MPST: variants seen among roughly 807,000 people sequenced by gnomAD.
MPST encodes the protein 3-mercaptopyruvate sulfurtransferase.
In MPST, 27 loss-of-function variants were observed where a neutral mutation model predicts 28.5. The observed-to-expected ratio is 0.95, with a 90% CI of 0.70 to 1.31. The LOEUF is 1.31. MPST is among the 50% of genes most tolerant of loss of function. The pLI is 0.00. For missense variants in MPST, 492 were observed against 471.1 expected (o/e 1.04, Z -0.41); for synonymous variants, 204 against 209.3 (o/e 0.97, Z 0.22).
rs777256173 is a variant in MPST, at chr22:37,024,471, G to T, written c.316G>T (p.Ala106Ser). ...LPGAEHFAEY[A>S]GRLGVGAATH... ...CGGGGCCGAGCATTTCGCGGAGTAC[G>T]CAGGCCGCCTGGGCGTGGGCGCGGC... The change falls in exon 2 of 3, where the codon GCA (alanine) becomes TCA (serine). Residue 106 changes from alanine (A) to serine (S), a missense_variant. Ala to Ser is a moderately conservative substitution (Grantham distance 99). Coordinates refer to ENST00000429360, the MANE Select transcript of MPST (RefSeq NM_021126.8). The T allele has an allele frequency of 6.4e-7, 1 of 1,556,964 alleles. No individual in the cohort carries two copies. Among genetic ancestry groups the T allele is most frequent in the Admixed American group, 1.9e-5 (1 of 53,134 alleles).
chr22:37,019,932 G>T (rs1922933224), intron 1 of MPST, 60 bp downstream of exon 1: 1 of 885,680 alleles, frequency 1.1e-6, no homozygotes, highest in East Asian at 3.3e-5. Flanking sequence ...CTCTTTGGGG[G>T]TGCTCGGCGC....
At position 37,029,204 on chromosome 22, in the gene MPST, C is replaced by G. The variant is rs1485101788; in HGVS notation, c.656-12C>G. ...TTCTATTTGTCCCCTCCTCCCTGCT[C>G]CCCTGCTGTAGGCATTGAACCTGGC... On this transcript the variant is annotated splice_polypyrimidine_tract_variant and intron_variant, in intron 2 of 2. Transcript: ENST00000429360. 3.1e-6 allele frequency: 5 copies of G among 1,610,904 alleles called. No individual in the cohort carries two copies. Among genetic ancestry groups the G allele is most frequent in the Admixed American group, 1.7e-5 (1 of 59,836 alleles).
Position 37,029,286 on chromosome 22 carries a change from G to A in MPST, c.726G>A (p.Leu242=). 3 of 1,614,190 alleles carry A rather than the reference G, an allele frequency of 1.9e-6. No homozygotes were observed. The highest frequency in any genetic ancestry group is 2.5e-6 in the Non-Finnish European group (3 of 1,180,028). Residue 242 remains leucine (L), a synonymous_variant, in exon 3 of 3, where the codon CTG becomes CTA. Coordinates refer to ENST00000429360, the MANE Select transcript of MPST (RefSeq NM_021126.8). ...PFTDFLSQEG[L]EKSPEEIRHL... The stretch of plus-strand genomic sequence containing the variant: ...CAGACTTCCTGAGCCAGGAGGGGCT[G>A]GAGAAGAGCCCTGAGGAGATCCGCC...
At position 37,024,230 on chromosome 22, in the gene MPST, G is replaced by C. The variant is rs1424750090; in HGVS notation, c.75G>C (p.Gln25His). ...GTGTCGCCGCCATGGCTTCGCCGCA[G>C]CTCTGCCGCGCGCTGGTGTCGGCGC... ...SPSVAAMASP[Q>H]LCRALVSAQW... The change falls in exon 2 of 3, where the codon CAG becomes CAC. Residue 25 changes from glutamine to histidine, a missense_variant. Transcript: ENST00000429360. The C allele has an allele frequency of 7.1e-7, 1 of 1,399,226 alleles. No individual in the cohort carries two copies. The highest frequency in any genetic ancestry group is 3.5e-5 in the Admixed American group (1 of 28,556). The allele number at this position is 1,399,226 out of a possible 1,614,324, so 86.7% of individuals were successfully genotyped here.
At chr22:37,024,074 A>C (rs1601457507) in intron 1 of MPST, 118 bp from the exon 2 acceptor site, 1 of 1,260,634 alleles carries the variant, frequency 7.9e-7, no homozygotes. Context: ...CGTTCCCTGG[A>C]CTCTGCCCTG....
Position 37,029,357 on chromosome 22 carries a change from C to T in MPST, c.797C>T (p.Ala266Val), listed in dbSNP as rs1601464491. Residue 266 changes from alanine (A) to valine (V), a missense_variant, in exon 3 of 3, where the codon GCC (alanine) becomes GTC (valine). Ala to Val is a moderately conservative substitution (Grantham distance 64). Transcript: ENST00000429360. ...GTGGACCTGTCTAAGCCACTGGTGG[C>T]CACGTGTGGCTCTGGCGTCACAGCC... Reference protein sequence around the residue: ...KKVDLSKPLVATCGSGVTACH... With the variant: ...KKVDLSKPLVVTCGSGVTACH... 6.2e-7 allele frequency: 1 copy of T among 1,614,054 alleles called. No individual in the cohort carries two copies. The highest frequency in any genetic ancestry group is 2.2e-5 in the East Asian group (1 of 44,880).
chr22:37,019,872 G>A lies in MPST; in HGVS notation c.36G>A (p.Arg12=), dbSNP rs1400705462. ...CAGGAAGCCGGGAGTCCGAGACCCG[G>A]GTAACTGCCGCGGCGTGGCGGCTTG... The part of the protein sequence containing the change: ...AEPGSRESET[R]ARSPSVAAMA... The change falls in exon 1 of 3, where the codon CGG becomes CGA. Residue 12 remains arginine (R), a splice_region_variant and synonymous_variant. Coordinates refer to ENST00000429360, the MANE Select transcript of MPST (RefSeq NM_021126.8). 3 of 1,219,850 alleles carry A rather than the reference G, an allele frequency of 2.5e-6. No individual in the cohort carries two copies. The highest frequency in any genetic ancestry group is 3.2e-5 in the East Asian group (1 of 31,582). 75.6% of individuals were successfully genotyped at this position (1,219,850 alleles called of 1,614,324 possible).
At chr22:37,020,034 T>C (rs1417213134) in intron 1 of MPST, 162 bp downstream of exon 1, 1 of 295,962 alleles carries the variant, frequency 3.4e-6, no homozygotes, top group African/African-American at 2.3e-5. Context: ...ACTGTCCGCT[T>C]GGGGCGGCCT....
Position 37,029,687 on chromosome 22 carries a change from C to T in MPST, c.*173C>T, listed in dbSNP as rs907780615. ...TTGACTTGTTGGCTGCCAGTAGGGGCGGGAGGAAAGGCGGAGGCGAGCCCT... is the reference window on the plus strand; with the variant it reads ...TTGACTTGTTGGCTGCCAGTAGGGGTGGGAGGAAAGGCGGAGGCGAGCCCT... On this transcript the variant is annotated 3_prime_UTR_variant, in exon 3 of 3. Transcript: ENST00000429360. 5.2e-5 allele frequency: 37 copies of T among 710,958 alleles called. No individual in the cohort carries two copies. The Admixed American group carries it at 6.4e-4, about 12-fold the overall frequency. 44.0% of individuals were successfully genotyped at this position (710,958 alleles called of 1,614,324 possible).
In MPST at chr22:37,024,461, C is replaced by T. The variant is rs908749183; in HGVS notation, c.306C>T (p.Phe102=). The change falls in exon 2 of 3, where the codon TTC becomes TTT. Residue 102 remains phenylalanine (F), a synonymous_variant. Transcript: ENST00000429360. The stretch of plus-strand genomic sequence containing the variant: ...ACATGCTGCCCGGGGCCGAGCATTT[C>T]GCGGAGTACGCAGGCCGCCTGGGCG... ...YDHMLPGAEH[F]AEYAGRLGVG... 2 of 1,551,422 alleles carry T rather than the reference C, an allele frequency of 1.3e-6. No individual in the cohort carries two copies. Among genetic ancestry groups the T allele is most frequent in the Non-Finnish European group, 1.7e-6 (2 of 1,148,554 alleles).
intron 2 of MPST, 49 bp downstream of exon 2, chr22:37,024,859 G>T (rs896162087): frequency 7.6e-6 from 12 of 1,583,584 alleles, no homozygotes; most frequent in Admixed American, 1.8e-5. Flanking sequence ...CGGCCTCTAC[G>T]CCCTGAGCAG....
intron 1 of MPST, among the ~76,000 whole-genome samples, chr22:37,021,126 G>A (rs370901640): frequency 6.6e-6 from 1 of 152,166 alleles, no homozygotes; most frequent in African/African-American, 2.4e-5. Flanking sequence ...TCCAGCCTGC[G>A]GCTCACGCTT....
At chr22:37,022,360 C>T (rs1229216382) in intron 1 of MPST, among the ~76,000 whole-genome samples, 1 of 152,204 alleles carries the variant, frequency 6.6e-6, no homozygotes, top group Non-Finnish European at 1.5e-5. Flanking sequence ...CTAAACTATC[C>T]TCAATTTCAC....
intron 1 of MPST, among the ~76,000 whole-genome samples, chr22:37,022,175 C>T (rs1360984208): frequency 6.6e-6 from 1 of 152,100 alleles, no homozygotes; most frequent in Non-Finnish European, 1.5e-5. Context: ...ATGGGGATCA[C>T]CCCTTAGCCA....
chr22:37,020,069 C>G (rs1922950549), intron 1 of MPST, 197 bp downstream of exon 1: 297 of 211,850 alleles, frequency 1.4e-3, no homozygotes, highest in East Asian at 1.9e-3. Flanking sequence ...TGGCGAGTGG[C>G]GGGTGGGGAG....
chr22:37,026,294 T>C (rs1486452782), intron 2 of MPST: 2 of 152,040 alleles, frequency 1.3e-5, no homozygotes, highest in East Asian at 1.9e-4. Context: ...ATGGGAGCAG[T>C]AACACAGAGC....
rs1333832393 is a variant in MPST at position 37,029,757 on chromosome 22, C to A, written c.*243C>A. The A allele has an allele frequency of 7.0e-6, 4 of 571,828 alleles. No individual in the cohort carries two copies. Among genetic ancestry groups the A allele is most frequent in the Non-Finnish European group, 1.2e-5 (4 of 323,422 alleles). The allele number at this position is 571,828 out of a possible 1,614,324, so 35.4% of individuals were successfully genotyped here. A position where few individuals can be genotyped will look rare whatever the true frequency, so the allele number is the denominator to read the frequency against. On this transcript the variant is annotated 3_prime_UTR_variant, in exon 3 of 3. Transcript: ENST00000429360. ...TCCGAGCTGCCCACCTGGTGCTGAG[C>A]TGGGGCCCCGCCTCCTTTCTGTTTT... is the stretch of plus-strand genomic sequence containing the variant.
chr22:37,022,690 G>A (rs957524795), intron 1 of MPST, among the ~76,000 whole-genome samples: 7 of 152,188 alleles, frequency 4.6e-5, no homozygotes, highest in Non-Finnish European at 8.8e-5. Flanking sequence ...CCTAATACCC[G>A]CCCAAGGCTG....
At chr22:37,023,961 C>T in intron 1 of MPST, 2 of 1,512,970 alleles carry the variant, frequency 1.3e-6, no homozygotes, top group Non-Finnish European at 1.8e-6. Flanking sequence ...TCCGGGAGGT[C>T]ATGGTCATTG....
Sources: gnomAD v4.1 joint callset for allele counts (sites outside exome capture counted in the v4.1 genomes callset) on GRCh38, gnomAD v4.1.1 for gene constraint, MANE v1.5 for transcripts, NCBI Gene and HGNC (gene_info 2026-07-23, HGNC 2026-07-21) for gene names.